The following ZFR2 variants were observed in gnomAD, a reference collection of about 807,000 sequenced individuals.
ZFR2 encodes the protein zinc finger RNA binding protein 2.
ZFR2 carries 104 observed loss-of-function variants against 105.7 expected under a neutral mutation model. The observed-to-expected ratio is 0.98, with a 90% CI of 0.84 to 1.16. ZFR2 has a LOEUF of 1.16. Among genes scored for constraint, ZFR2 ranks in the 50% most tolerant of loss-of-function variants. ZFR2 has a pLI of 0.00. For synonymous variants in ZFR2, 634 were observed against 597.7 expected (o/e 1.06, Z -0.89); for missense variants, 1,425 against 1,355.5 (o/e 1.05, Z -0.80).
chr19:3,805,945 C>A lies in ZFR2; in HGVS notation c.*4G>T, dbSNP rs761165824. ...AAGGCCCGCAGGTGGGGGAGGTAGG[C>A]GGCTCACACGAGCCCCTCTCCGCCC... On this transcript the variant is annotated 3_prime_UTR_variant, in exon 19 of 19. Coordinates refer to ENST00000262961, the MANE Select transcript of ZFR2 (RefSeq NM_015174.2). 5.9e-6 allele frequency: 9 copies of A among 1,526,332 alleles called. No individual in the cohort carries two copies. Among genetic ancestry groups the A allele is most frequent in the East Asian group, 5.0e-5 (2 of 40,016 alleles). 94.5% of individuals were successfully genotyped at this position (1,526,332 alleles called of 1,614,324 possible).
chr19:3,813,181 A>G lies in ZFR2; in HGVS notation c.2242+639T>C, dbSNP rs2037786460. 6.6e-6 allele frequency among the ~76,000 whole-genome samples: 1 copy of G among 152,226 alleles called. No homozygotes were observed. Among genetic ancestry groups the G allele is most frequent in the Admixed American group, 6.5e-5 (1 of 15,286 alleles). On this transcript the variant is annotated intron_variant, in intron 14 of 18. Transcript: ENST00000262961. This position sits in a 1 kb window ranked among gnomAD's most constrained non-coding sequence, Gnocchi z 4.4. ...AAAAAGATTACGAAGGGGGTAAAAGATGATAGGAGTTTGGAAAACTGCCCT... is the reference window on the plus strand; with the variant it reads ...AAAAAGATTACGAAGGGGGTAAAAGGTGATAGGAGTTTGGAAAACTGCCCT...
chr19:3,810,832 C>A lies in ZFR2; in HGVS notation c.2351G>T (p.Gly784Val). The A allele has an allele frequency of 6.5e-7, 1 of 1,550,302 alleles. No individual in the cohort carries two copies. Residue 784 changes from glycine (G) to valine (V), a missense_variant, in exon 16 of 19, where the codon GGC becomes GTC. Gly to Val is a moderately radical substitution (Grantham distance 109). Coordinates refer to ENST00000262961, the MANE Select transcript of ZFR2 (RefSeq NM_015174.2). ...HARWFQARAS[G>V]LQPCVIVIRV... ...GATGACGATCACGCATGGCTGCAGGCCGCTGGCTCGAGCCTTCGGGGGAGA... is the reference window on the plus strand; with the variant it reads ...GATGACGATCACGCATGGCTGCAGGACGCTGGCTCGAGCCTTCGGGGGAGA...
intron 1 of ZFR2, among the ~76,000 whole-genome samples, chr19:3,857,677 T>A (rs2038322740): frequency 7.6e-6 from 1 of 131,756 alleles, no homozygotes; most frequent in Non-Finnish European, 1.6e-5. Flanking sequence ...GCCTGGGCAA[T>A]GAAGCGAGAC....
rs1380050578 is a variant in ZFR2, at chr19:3,822,104, G to C, written c.1468C>G (p.Arg490Gly). The C allele has an allele frequency of 6.2e-7, 1 of 1,607,596 alleles. No individual in the cohort carries two copies. The highest frequency in any genetic ancestry group is 1.3e-5 in the African/African-American group (1 of 74,778). The part of the protein sequence containing the change: ...LNAKDLHVRG[R>G]RHRLQYRKKV... The stretch of plus-strand genomic sequence containing the variant: ...ACCCGGTACTGCAGCCGGTGCCGCC[G>C]CCCCCTCACGTGCAGGTCCTTCGCG... The change falls in exon 9 of 19, where the codon CGG becomes GGG. Residue 490 changes from arginine (R) to glycine (G), a missense_variant. Arg to Gly is a moderately radical substitution (Grantham distance 125). Coordinates refer to ENST00000262961, the MANE Select transcript of ZFR2 (RefSeq NM_015174.2).
In ZFR2 at chr19:3,805,888, GGC is replaced by G; in HGVS notation, c.*59_*60del. Reference sequence around the variant, plus strand: ...GTCGGGGATGAAGCAGCCATTGGTCGGCGCGCACACGTCCAGGAGTGCAGGGA... The same window carrying G: ...GTCGGGGATGAAGCAGCCATTGGTCGGCGCACACGTCCAGGAGTGCAGGGA... On this transcript the variant is annotated 3_prime_UTR_variant, in exon 19 of 19. Coordinates refer to ENST00000262961, the MANE Select transcript of ZFR2 (RefSeq NM_015174.2). The G allele has an allele frequency of 7.0e-7, 1 of 1,425,732 alleles. No homozygotes were observed. The highest frequency in any genetic ancestry group is 1.4e-5 in the South Asian group (1 of 71,074). The allele number at this position is 1,425,732 out of a possible 1,614,324, so 88.3% of individuals were successfully genotyped here.
In ZFR2 at chr19:3,823,941, T is replaced by C. The variant is rs1048493868; in HGVS notation, c.1214-538A>G. Among the ~76,000 whole-genome samples, 1 of 152,110 alleles carries C rather than the reference T, an allele frequency of 6.6e-6. No individual in the cohort carries two copies. The highest frequency in any genetic ancestry group is 1.5e-5 in the Non-Finnish European group (1 of 68,000). ...ACTCTTAGACAGACCCGGGTTCCAA[T>C]TCCACCTCCACCGTTTACGGCTTTT... On this transcript the variant is annotated intron_variant, in intron 7 of 18. Transcript: ENST00000262961. The surrounding 1 kb of genome is among the most constrained non-coding windows in gnomAD (Gnocchi z 5.4).
intron 13 of ZFR2, 77 bp from the exon 14 acceptor site, chr19:3,814,035 G>C (rs899554724): frequency 6.3e-7 from 1 of 1,579,468 alleles, no homozygotes; most frequent in South Asian, 1.1e-5. Context: ...GATGTGGTTG[G>C]TGTGTGTAAA....
Position 3,834,958 on chromosome 19 carries a change from G to A in ZFR2, c.79C>T (p.Pro27Ser). ...YSAQPPTLPL[P>S]TVGASYTAQP... is the part of the protein sequence containing the mutation. Reference sequence around the variant, plus strand: ...GCAGTATAGCTGGCCCCCACAGTGGGCAGGGGAAGGGTCGGAGGCTGGGCG... The same window carrying A: ...GCAGTATAGCTGGCCCCCACAGTGGACAGGGGAAGGGTCGGAGGCTGGGCG... Residue 27 changes from proline to serine, a missense_variant, in exon 2 of 19, where the codon CCC becomes TCC. By Grantham distance (74) the Pro-to-Ser change is moderately conservative. Coordinates refer to ENST00000262961, the MANE Select transcript of ZFR2 (RefSeq NM_015174.2). This position sits in a 1 kb window ranked among gnomAD's most constrained non-coding sequence, Gnocchi z 5.3. 6.2e-7 allele frequency: 1 copy of A among 1,611,554 alleles called. No individual in the cohort carries two copies. Among genetic ancestry groups the A allele is most frequent in the Non-Finnish European group, 8.5e-7 (1 of 1,179,164 alleles).
Position 3,821,962 on chromosome 19 carries a change from C to T in ZFR2, c.1491+119G>A, listed in dbSNP as rs1021526010. 1.1e-5 allele frequency: 16 copies of T among 1,400,734 alleles called. No homozygotes were observed. In the African/African-American group the frequency reaches 1.3e-4, roughly 11 times the overall value. The allele number at this position is 1,400,734 out of a possible 1,614,324, so 86.8% of individuals were successfully genotyped here. A position where few individuals can be genotyped will look rare whatever the true frequency, so the allele number is the denominator to read the frequency against. ...GACGTTGAAAACCCAGAAAATCACC[C>T]CTCCCTCTTAAGTTCGTCGGATCAC... On this transcript the variant is annotated intron_variant, in intron 9 of 18. Coordinates refer to ENST00000262961, the MANE Select transcript of ZFR2 (RefSeq NM_015174.2).
chr19:3,808,071 G>A (rs570023705), intron 17 of ZFR2, among the ~76,000 whole-genome samples: 18 of 148,866 alleles, frequency 1.2e-4, no homozygotes, highest in Middle Eastern at 7.3e-3. Flanking sequence ...ATGTGTGCCC[G>A]TGTGTGCAAG....
rs377119947 is a variant in ZFR2 at position 3,805,954 on chromosome 19, C to T, written c.2815G>A (p.Val939Met). The change falls in exon 19 of 19, where the codon GTG becomes ATG. Residue 939 changes from valine (V) to methionine (M), a missense_variant. Transcript: ENST00000262961. Reference sequence around the variant, plus strand: ...AGGTGGGGGAGGTAGGCGGCTCACACGAGCCCCTCTCCGCCCCGCCGGCCC... The same window carrying T: ...AGGTGGGGGAGGTAGGCGGCTCACATGAGCCCCTCTCCGCCCCGCCGGCCC... Reference protein sequence around the residue: ...KRGRRGGEGLV With the variant: ...KRGRRGGEGLM 27 of 1,531,498 alleles carry T rather than the reference C, an allele frequency of 1.8e-5. No individual in the cohort carries two copies. Among genetic ancestry groups the T allele is most frequent in the Admixed American group, 6.0e-5 (3 of 50,170 alleles). The allele number at this position is 1,531,498 out of a possible 1,614,324, so 94.9% of individuals were successfully genotyped here.
chr19:3,857,695 C>CAAA (rs11367233), intron 1 of ZFR2, among the ~76,000 whole-genome samples: 3 of 104,370 alleles, frequency 2.9e-5, no homozygotes, highest in African/African-American at 7.1e-5. Context: ...GACCCTGTCT[C>CAAA]AAAAAAAAAA....
intron 1 of ZFR2, among the ~76,000 whole-genome samples, chr19:3,859,914 T>C (rs1382395581): frequency 2.6e-5 from 4 of 152,150 alleles, no homozygotes; most frequent in East Asian, 1.9e-4. Flanking sequence ...TTTCTGACCA[T>C]GAAACCCTTA....
chr19:3,806,036 G>T lies in ZFR2; in HGVS notation c.2733C>A (p.Phe911Leu). ...LPPRHRLGAR[F>L]RKRQRGPGEG... ...CGCCAGGTCCCCGTTGCCTCTTCCG[G>T]AAGCGGGCCCCCAGCCGGTGTCTGG... The change falls in exon 19 of 19, where the codon TTC becomes TTA. Residue 911 changes from phenylalanine (F) to leucine (L), a missense_variant. Transcript: ENST00000262961. 1.3e-6 allele frequency: 2 copies of T among 1,542,384 alleles called. No individual in the cohort carries two copies. The highest frequency in any genetic ancestry group is 1.2e-5 in the South Asian group (1 of 83,528).
In ZFR2 at chr19:3,823,442, G is replaced by A; in HGVS notation, c.1214-39C>T. The stretch of plus-strand genomic sequence containing the variant: ...CCATGTCACTTATACCCTGTTCCAG[G>A]AGAAAGCACTGCAGCTGCAGACCCG... On this transcript the variant is annotated intron_variant, in intron 7 of 18. Transcript: ENST00000262961. This position sits in a 1 kb window ranked among gnomAD's most constrained non-coding sequence, Gnocchi z 5.4. 2 of 1,542,668 alleles carry A rather than the reference G, an allele frequency of 1.3e-6. No individual in the cohort carries two copies. Among genetic ancestry groups the A allele is most frequent in the Non-Finnish European group, 1.7e-6 (2 of 1,145,772 alleles).
intron 1 of ZFR2, among the ~76,000 whole-genome samples, chr19:3,839,996 A>G (rs989658910): frequency 3.9e-5 from 6 of 152,072 alleles, no homozygotes; most frequent in Admixed American, 1.3e-4. Context: ...TTTCAGTTAC[A>G]TGTGTGCAAA....
At chr19:3,820,081 A>AT in intron 11 of ZFR2, 101 bp downstream of exon 11, 1 of 1,133,646 alleles carries the variant, frequency 8.8e-7, no homozygotes, top group East Asian at 2.6e-5. Context: ...CCTGAGTACT[A>AT]TGTGGGAGTT....
In ZFR2 at chr19:3,813,766, C is replaced by A; in HGVS notation, c.2242+54G>T. On this transcript the variant is annotated intron_variant, in intron 14 of 18. Transcript: ENST00000262961. This position sits in a 1 kb window ranked among gnomAD's most constrained non-coding sequence, Gnocchi z 4.4. ...CTGCCCCAGGCCTGGGTGTGGGGAGCGCCCTGGGGAAGCGTGAGGGGGACA... is the reference window on the plus strand; with the variant it reads ...CTGCCCCAGGCCTGGGTGTGGGGAGAGCCCTGGGGAAGCGTGAGGGGGACA... 1.3e-6 allele frequency: 2 copies of A among 1,599,104 alleles called. No individual in the cohort carries two copies. Among genetic ancestry groups the A allele is most frequent in the South Asian group, 2.2e-5 (2 of 89,712 alleles).
At chr19:3,846,449 G>T (rs1477108515) in intron 1 of ZFR2, among the ~76,000 whole-genome samples, 1 of 152,202 alleles carries the variant, frequency 6.6e-6, no homozygotes, top group Non-Finnish European at 1.5e-5. Context: ...TTGTCATGGT[G>T]AGCGGGACAG....
Sources: allele counts gnomAD v4.1 joint callset (sites outside exome capture counted in the v4.1 genomes callset), GRCh38; gene constraint gnomAD v4.1.1; non-coding constraint Gnocchi (gnomAD v3.1); transcripts MANE v1.5; gene names NCBI Gene and HGNC (gene_info 2026-07-23, HGNC 2026-07-21).